The following THSD7B variants were observed in gnomAD, a reference collection of about 807,000 sequenced individuals.
THSD7B encodes the protein thrombospondin type 1 domain containing 7B, also known as thrombospondin type-1 domain-containing protein 7B.
Under a neutral mutation model 213.6 loss-of-function variants are expected in THSD7B, and 138 were observed. That is an observed-to-expected ratio of 0.65 (90% confidence interval 0.56 to 0.74). The LOEUF is 0.74. Among genes scored for constraint, THSD7B ranks in the 30% least tolerant of loss-of-function variants. The pLI is 0.00. For synonymous variants in THSD7B, 742 were observed against 687.0 expected (o/e 1.08, Z -1.25); for missense variants, 1,931 against 1,991.5 (o/e 0.97, Z 0.58).
At chr2:137,656,069 C>G (rs1034326249) in intron 22 of THSD7B, among the ~76,000 whole-genome samples, 2 of 152,042 alleles carry the variant, frequency 1.3e-5, no homozygotes, top group Non-Finnish European at 2.9e-5. Context: ...ACCAGTAAGG[C>G]TATGAGTTCA....
intron 17 of THSD7B, among the ~76,000 whole-genome samples, chr2:137,587,478 T>C (rs1573727713): frequency 6.6e-6 from 1 of 152,342 alleles, no homozygotes; most frequent in Non-Finnish European, 1.5e-5. Flanking sequence ...TATCTACCTT[T>C]GGTCTTTGAT....
chr2:137,083,941 T>C (rs1297395858), intron 3 of THSD7B, among the ~76,000 whole-genome samples: 1 of 152,186 alleles, frequency 6.6e-6, no homozygotes, highest in Non-Finnish European at 1.5e-5. Context: ...TTTATAAAAG[T>C]ACTTTTTAAC....
chr2:137,673,803 T>G (rs1530526), intron 27 of THSD7B, among the ~76,000 whole-genome samples: 18,448 of 152,108 alleles, frequency 0.12, 1,345 homozygotes, highest in African/African-American at 0.19. Flanking sequence ...AGGAGGCTGA[T>G]CTATTCAAAG....
At chr2:137,051,308 G>T (rs1442258866) in intron 2 of THSD7B, among the ~76,000 whole-genome samples, 1 of 152,166 alleles carries the variant, frequency 6.6e-6, no homozygotes, top group Non-Finnish European at 1.5e-5. Flanking sequence ...AAGTAACAGA[G>T]AATGAATAAT....
At chr2:137,012,746 C>A (rs773472610) in intron 2 of THSD7B, among the ~76,000 whole-genome samples, 2 of 152,230 alleles carry the variant, frequency 1.3e-5, no homozygotes, top group Non-Finnish European at 2.9e-5. Context: ...TGTGTTCACT[C>A]CACTTCGCAT....
chr2:137,356,329 C>T (rs1000205304), intron 12 of THSD7B, among the ~76,000 whole-genome samples: 4 of 152,126 alleles, frequency 2.6e-5, no homozygotes, highest in Non-Finnish European at 5.9e-5. Flanking sequence ...TAGGAATCCA[C>T]CTTAAAAATT....
At chr2:137,507,455 A>G (rs1679861566) in intron 15 of THSD7B, among the ~76,000 whole-genome samples, 1 of 152,182 alleles carries the variant, frequency 6.6e-6, no homozygotes, top group South Asian at 2.1e-4. Flanking sequence ...GCTTAGTCAG[A>G]TTCAGAGCTG....
At chr2:137,114,949 T>C (rs1197974472) in intron 4 of THSD7B, among the ~76,000 whole-genome samples, 175 bp from the exon 5 acceptor site, 2 of 152,170 alleles carry the variant, frequency 1.3e-5, no homozygotes, top group Admixed American at 6.5e-5. Flanking sequence ...GTTTTTTTTT[T>C]CTAGGAAATA....
At chr2:137,389,193 CAT>C (rs59969102) in intron 12 of THSD7B, among the ~76,000 whole-genome samples, 228 of 127,282 alleles carry the variant, frequency 1.8e-3, no homozygotes, top group African/African-American at 6.5e-3. Flanking sequence ...ATATATCTGT[CAT>C]ATATATATAT....
At chr2:137,341,672 C>G (rs1431509728) in intron 12 of THSD7B, among the ~76,000 whole-genome samples, 2 of 151,598 alleles carry the variant, frequency 1.3e-5, no homozygotes, top group Non-Finnish European at 3.0e-5. Flanking sequence ...GGTCCACTTT[C>G]ATTCTTCTGC....
At chr2:137,071,555 A>T (rs1252647784) in intron 3 of THSD7B, among the ~76,000 whole-genome samples, 1 of 152,106 alleles carries the variant, frequency 6.6e-6, no homozygotes, top group East Asian at 1.9e-4. Context: ...GAAGCTCTTT[A>T]GTTTAATTAG....
intron 12 of THSD7B, among the ~76,000 whole-genome samples, chr2:137,286,220 A>C (rs575456104): frequency 6.6e-6 from 1 of 152,210 alleles, no homozygotes; most frequent in Non-Finnish European, 1.5e-5. Flanking sequence ...AACTATTTGT[A>C]TTGTAGATCT....
intron 15 of THSD7B, among the ~76,000 whole-genome samples, chr2:137,507,946 G>T (rs769470649): frequency 6.6e-6 from 1 of 152,154 alleles, no homozygotes; most frequent in Non-Finnish European, 1.5e-5. Flanking sequence ...CCTCTAAGTG[G>T]CTGTGTAAAC....
At chr2:137,012,583 T>G (rs530062075) in intron 2 of THSD7B, among the ~76,000 whole-genome samples, 3 of 152,228 alleles carry the variant, frequency 2.0e-5, no homozygotes, top group African/African-American at 7.2e-5. Flanking sequence ...TTATTCAGAA[T>G]GTGTCTAGTT....
chr2:137,334,170 T>TCTCTCTC (rs1684582829), intron 12 of THSD7B, among the ~76,000 whole-genome samples: 1 of 148,828 alleles, frequency 6.7e-6, no homozygotes, highest in African/African-American at 2.5e-5. Flanking sequence ...CTTTCTCTCT[T>TCTCTCTC]TCTCTCTCTC....
intron 10 of THSD7B, among the ~76,000 whole-genome samples, chr2:137,246,155 G>A (rs1682029833): frequency 6.6e-6 from 1 of 152,186 alleles, no homozygotes; most frequent in African/African-American, 2.4e-5. Flanking sequence ...GAGAGGTCAG[G>A]AAGAGATCCA....
chr2:137,471,163 C>T (rs1397001577), intron 15 of THSD7B, among the ~76,000 whole-genome samples: 1 of 152,008 alleles, frequency 6.6e-6, no homozygotes, highest in Non-Finnish European at 1.5e-5. Flanking sequence ...TCAGGTGATC[C>T]ACCAGCCTCG....
chr2:137,042,345 C>T (rs1237914324), intron 2 of THSD7B, among the ~76,000 whole-genome samples: 1 of 152,108 alleles, frequency 6.6e-6, no homozygotes, highest in Non-Finnish European at 1.5e-5. Flanking sequence ...AGATCATTTA[C>T]CTCATCTAAC....
intron 12 of THSD7B, among the ~76,000 whole-genome samples, chr2:137,302,908 A>C (rs1360855591): frequency 6.6e-6 from 1 of 152,206 alleles, no homozygotes; most frequent in Non-Finnish European, 1.5e-5. Flanking sequence ...CTCCTACTAC[A>C]GTCTTTACTT....
Sources: allele counts gnomAD v4.1 joint callset (sites outside exome capture counted in the v4.1 genomes callset), GRCh38; gene constraint gnomAD v4.1.1; transcripts MANE v1.5; gene names NCBI Gene and HGNC (gene_info 2026-07-23, HGNC 2026-07-21).